CA10: variants seen among roughly 807,000 people sequenced by gnomAD.
The protein encoded by CA10 is carbonic anhydrase-related protein 10.
CA10 carries 14 observed loss-of-function variants against 44.2 expected under a neutral mutation model. That is an observed-to-expected ratio of 0.32 (90% CI 0.21 to 0.50). The LOEUF is 0.50. Among genes scored for constraint, CA10 ranks in the 20% least tolerant of loss-of-function variants. The pLI, the probability that CA10 is intolerant of heterozygous loss-of-function variation, is 0.99. For synonymous variants in CA10, 159 were observed against 141.6 expected (o/e 1.12, Z -0.87); for missense variants, 350 against 409.7 (o/e 0.85, Z 1.26).
intron 2 of CA10, among the ~76,000 whole-genome samples, chr17:52,047,341 G>T (rs1986940466): frequency 6.6e-6 from 1 of 151,920 alleles, no homozygotes; most frequent in African/African-American, 2.4e-5. Context: ...AACATTTTGG[G>T]ATCATAAAAA....
intron 4 of CA10, among the ~76,000 whole-genome samples, chr17:51,692,668 C>G (rs1280554878): frequency 1.3e-5 from 2 of 151,756 alleles, no homozygotes; most frequent in African/African-American, 4.8e-5. Flanking sequence ...TGTAGATGCA[C>G]CATGGTTAAT....
intron 3 of CA10, among the ~76,000 whole-genome samples, chr17:51,827,770 C>A (rs924206163): frequency 6.6e-6 from 1 of 152,160 alleles, no homozygotes; most frequent in African/African-American, 2.4e-5. Flanking sequence ...TAGCTCTTTA[C>A]CAAGCCTGGT....
chr17:51,725,310 C>T (rs1044589694), intron 4 of CA10, among the ~76,000 whole-genome samples: 1 of 152,208 alleles, frequency 6.6e-6, no homozygotes, highest in African/African-American at 2.4e-5. Context: ...AGTAAGTTGG[C>T]TTGGTTTCTT....
chr17:51,682,261 A>G (rs1371531108), intron 4 of CA10, among the ~76,000 whole-genome samples: 1 of 152,158 alleles, frequency 6.6e-6, no homozygotes, highest in Non-Finnish European at 1.5e-5. Flanking sequence ...AGCCACACTG[A>G]TAAGATGGGA....
At chr17:51,811,523 A>G (rs58752268) in intron 3 of CA10, among the ~76,000 whole-genome samples, 4,310 of 152,270 alleles carry the variant, frequency 0.028, 174 homozygotes, top group African/African-American at 0.09. Context: ...CCTATGAGTG[A>G]GAACATGTGG....
chr17:52,060,161 C>T (rs868181011), intron 2 of CA10, among the ~76,000 whole-genome samples: 3 of 152,044 alleles, frequency 2.0e-5, no homozygotes, highest in South Asian at 2.1e-4. Context: ...TCCAGGGAAC[C>T]TTTCCCCAAA....
intron 4 of CA10, among the ~76,000 whole-genome samples, chr17:51,691,728 T>A (rs1233319051): frequency 6.6e-6 from 1 of 152,228 alleles, no homozygotes; most frequent in Admixed American, 6.5e-5. Flanking sequence ...AATCCACTTT[T>A]AGTTGGCTAT....
intron 1 of CA10, among the ~76,000 whole-genome samples, chr17:52,147,150 TAC>T (rs1249784580): frequency 6.6e-6 from 1 of 152,206 alleles, no homozygotes; most frequent in Non-Finnish European, 1.5e-5. Flanking sequence ...TTGGAAAAGT[TAC>T]AGTTTCAAAA....
At chr17:51,683,485 C>G (rs1357936944) in intron 4 of CA10, among the ~76,000 whole-genome samples, 3 of 152,138 alleles carry the variant, frequency 2.0e-5, no homozygotes, top group African/African-American at 7.2e-5. Flanking sequence ...GACGGGAAAA[C>G]GTTTTGCAAA....
intron 2 of CA10, among the ~76,000 whole-genome samples, chr17:52,023,102 T>C (rs961630540): frequency 2.0e-5 from 3 of 152,048 alleles, no homozygotes; most frequent in Non-Finnish European, 4.4e-5. Context: ...GAATTGGAAA[T>C]ATCAATCCTA....
chr17:51,768,415 C>T lies in CA10; in HGVS notation c.280-20597G>A, dbSNP rs75873832. Among the ~76,000 whole-genome samples the T allele has an allele frequency of 1.5e-4, 23 of 152,260 alleles. No homozygotes were observed. The East Asian group carries it at 3.9e-3, about 26-fold the overall frequency. On this transcript the variant is annotated intron_variant, in intron 3 of 8. Coordinates refer to ENST00000451037, the MANE Select transcript of CA10 (RefSeq NM_020178.5). Reference sequence around the variant, plus strand: ...GTGCCAAACATTCCTGAAGTTTCTACGATTGCCAATAAATAAGACATTCCA... The same window carrying T: ...GTGCCAAACATTCCTGAAGTTTCTATGATTGCCAATAAATAAGACATTCCA...
chr17:51,780,129 C>G (rs1905997937), intron 3 of CA10, among the ~76,000 whole-genome samples: 1 of 152,186 alleles, frequency 6.6e-6, no homozygotes, highest in South Asian at 2.1e-4. Flanking sequence ...CTAGAACATT[C>G]TTGGGCTTCT....
intron 2 of CA10, among the ~76,000 whole-genome samples, chr17:51,985,083 T>C (rs1362891962): frequency 6.6e-6 from 1 of 151,994 alleles, no homozygotes; most frequent in Non-Finnish European, 1.5e-5. Context: ...TACGGACTGA[T>C]ATCCTTGATG....
intron 2 of CA10, among the ~76,000 whole-genome samples, chr17:51,996,454 C>A (rs1985239898): frequency 6.6e-6 from 1 of 151,940 alleles, no homozygotes; most frequent in Non-Finnish European, 1.5e-5. Flanking sequence ...GGTGCTGGTT[C>A]AAAAATTTCC....
chr17:51,654,280 A>G (rs1597965176), intron 4 of CA10, among the ~76,000 whole-genome samples: 1 of 152,242 alleles, frequency 6.6e-6, no homozygotes, highest in East Asian at 1.9e-4. Context: ...CTGGTTGTGT[A>G]GGACTTTATT....
chr17:51,830,195 C>CAAAAAAAAAAAAA (rs1220410518), intron 3 of CA10, among the ~76,000 whole-genome samples: 3 of 89,986 alleles, frequency 3.3e-5, no homozygotes, highest in African/African-American at 9.6e-5. Flanking sequence ...GACTCCATCT[C>CAAAAAAAAAAAAA]AAAAAAAAAA....
chr17:51,683,478 G>A (rs1002747657), intron 4 of CA10, among the ~76,000 whole-genome samples: 1 of 152,092 alleles, frequency 6.6e-6, no homozygotes, highest in Admixed American at 6.6e-5. Context: ...GATAATCGAC[G>A]GGAAAACGTT....
chr17:51,901,073 T>G (rs1981293010), intron 3 of CA10, among the ~76,000 whole-genome samples: 1 of 152,184 alleles, frequency 6.6e-6, no homozygotes, highest in Non-Finnish European at 1.5e-5. Context: ...TGTTTGGAGC[T>G]AAGAAGACAT....
chr17:51,872,213 C>T (rs895702193), intron 3 of CA10, among the ~76,000 whole-genome samples: 3 of 152,158 alleles, frequency 2.0e-5, no homozygotes, highest in Non-Finnish European at 4.4e-5. Flanking sequence ...CATTTCCTTC[C>T]TTTTGATAGC....
Sources: allele counts gnomAD v4.1 joint callset (sites outside exome capture counted in the v4.1 genomes callset), GRCh38; gene constraint gnomAD v4.1.1; transcripts MANE v1.5; gene names NCBI Gene and HGNC (gene_info 2026-07-23, HGNC 2026-07-21).